Variants in SEMA3C observed in about 807,000 individuals in gnomAD.
The protein encoded by SEMA3C is semaphorin 3C.
In SEMA3C, 47 loss-of-function variants were observed where a neutral mutation model predicts 89.4. That is an observed-to-expected ratio of 0.53 (90% CI 0.42 to 0.67). The LOEUF is 0.67. SEMA3C is among the 30% of genes least tolerant of loss of function. The pLI, the probability that SEMA3C is intolerant of heterozygous loss-of-function variation, is 0.00. For synonymous variants in SEMA3C, 310 were observed against 320.2 expected, an observed-to-expected ratio of 0.97 and a Z score of 0.34; for missense variants, 839 against 929.1, an observed-to-expected ratio of 0.90 and a Z score of 1.26.
chr7:80,783,859 C>T (rs1329047126), intron 12 of SEMA3C, among the ~76,000 whole-genome samples: 2 of 152,158 alleles, frequency 1.3e-5, no homozygotes, highest in Non-Finnish European at 2.9e-5. Context: ...AGTACTCCTC[C>T]AGTTAAACGG....
chr7:80,789,388 G>C lies in SEMA3C; in HGVS notation c.1272C>G (p.Gly424=). 6.2e-7 allele frequency: 1 copy of C among 1,614,048 alleles called. No homozygotes were observed. Among genetic ancestry groups the C allele is most frequent in the Non-Finnish European group, 8.5e-7 (1 of 1,179,968 alleles). The change falls in exon 12 of 18, where the codon GGC becomes GGG. Residue 424 remains glycine (G), a synonymous_variant. Transcript: ENST00000265361. ...IHKRPLIVRI[G]TDYKYTKIAV... Reference sequence around the variant, plus strand: ...CTATCTTTGTATACTTGTAGTCAGTGCCAATACGAACAATCAAAGGCCTTT... The same window carrying C: ...CTATCTTTGTATACTTGTAGTCAGTCCCAATACGAACAATCAAAGGCCTTT...
chr7:80,798,172 C>T lies in SEMA3C; in HGVS notation c.1051G>A (p.Gly351Arg). Residue 351 changes from glycine to arginine, a missense_variant, in exon 11 of 18, where the codon GGG (glycine) becomes AGG (arginine). By Grantham distance (125) the Gly-to-Arg change is moderately radical. Transcript: ENST00000265361. ...GGCCCTTCTTTGTGGGCAAAAGGCC[C>T]ATTAAACACAGTCTGTATATCAGAT... is the stretch of plus-strand genomic sequence containing the variant. ...HLSDIQTVFN[G>R]PFAHKEGPNH... 1 of 1,606,744 alleles carries T rather than the reference C, an allele frequency of 6.2e-7. No homozygotes were observed. Among genetic ancestry groups the T allele is most frequent in the East Asian group, 2.3e-5 (1 of 44,242 alleles).
intron 12 of SEMA3C, among the ~76,000 whole-genome samples, chr7:80,769,091 A>C (rs1391176525): frequency 6.6e-6 from 1 of 152,218 alleles, no homozygotes; most frequent in East Asian, 1.9e-4. Context: ...GATATATAAT[A>C]GTTGTACTAT....
intron 2 of SEMA3C, among the ~76,000 whole-genome samples, chr7:80,899,630 A>G (rs566646455): frequency 6.6e-6 from 1 of 152,184 alleles, no homozygotes; most frequent in Non-Finnish European, 1.5e-5. Flanking sequence ...GACCAAGAGT[A>G]GAAAACTCCA....
chr7:80,907,753 C>T (rs1007491342), intron 2 of SEMA3C, among the ~76,000 whole-genome samples: 2 of 151,844 alleles, frequency 1.3e-5, no homozygotes, highest in Admixed American at 1.3e-4. Context: ...TTAAATTATT[C>T]GATAATTCTT....
At chr7:80,840,015 A>G (rs1790224998) in intron 2 of SEMA3C, among the ~76,000 whole-genome samples, 1 of 152,144 alleles carries the variant, frequency 6.6e-6, no homozygotes, top group Non-Finnish European at 1.5e-5. Flanking sequence ...CAAGAATAGG[A>G]GATCCTATGT....
chr7:80,826,838 A>G (rs1233214659), intron 4 of SEMA3C, among the ~76,000 whole-genome samples: 1 of 152,190 alleles, frequency 6.6e-6, no homozygotes, highest in African/African-American at 2.4e-5. Context: ...AGTCATTTGT[A>G]GAAATCAATA....
intron 2 of SEMA3C, among the ~76,000 whole-genome samples, chr7:80,870,327 C>A (rs1446788987): frequency 6.8e-6 from 1 of 147,630 alleles, no homozygotes; most frequent in Non-Finnish European, 1.5e-5. Flanking sequence ...ACCATACTGA[C>A]TTTTTAAAAA....
intron 13 of SEMA3C, among the ~76,000 whole-genome samples, chr7:80,762,085 G>A (rs551419824): frequency 7.9e-5 from 8 of 101,886 alleles, no homozygotes; most frequent in Non-Finnish European, 1.3e-4. Flanking sequence ...GCAAAACTCC[G>A]TCTCAATAAA....
intron 4 of SEMA3C, 33 bp downstream of exon 4, chr7:80,827,392 G>GTTTT (rs36066966): frequency 9.1e-4 from 1,116 of 1,232,782 alleles, no homozygotes; most frequent in South Asian, 3.1e-3. Context: ...TTAAGTTAGT[G>GTTTT]TTTTTTTTTT....
At chr7:80,758,620 C>T in intron 14 of SEMA3C, 132 bp from the exon 15 acceptor site, 1 of 901,624 alleles carries the variant, frequency 1.1e-6, no homozygotes, top group South Asian at 1.5e-5. Flanking sequence ...TGAAGCAAAG[C>T]ACAGAAGGGT....
intron 2 of SEMA3C, among the ~76,000 whole-genome samples, chr7:80,876,090 G>A (rs190078283): frequency 2.0e-5 from 3 of 152,182 alleles, no homozygotes; most frequent in Non-Finnish European, 2.9e-5. Context: ...GATGGAAATC[G>A]AGTTTGCCAC....
At chr7:80,804,418 T>C (rs1193008770) in intron 7 of SEMA3C, among the ~76,000 whole-genome samples, 170 bp from the exon 8 acceptor site, 1 of 152,128 alleles carries the variant, frequency 6.6e-6, no homozygotes, top group African/African-American at 2.4e-5. Context: ...CATGCCACAT[T>C]TGGAATGTCG....
chr7:80,902,930 T>C (rs1420395720), intron 2 of SEMA3C, among the ~76,000 whole-genome samples: 2 of 152,198 alleles, frequency 1.3e-5, no homozygotes, highest in African/African-American at 4.8e-5. Context: ...GCCAAGATTA[T>C]GTGCTAAGAA....
chr7:80,758,220 C>G (rs1171067895), intron 15 of SEMA3C, 111 bp downstream of exon 15: 11 of 1,209,532 alleles, frequency 9.1e-6, no homozygotes, highest in Non-Finnish European at 1.3e-5. Context: ...TAGCTTCTAC[C>G]TTTAATGTCA....
chr7:80,839,260 C>G (rs751101771), intron 2 of SEMA3C, among the ~76,000 whole-genome samples: 40 of 152,142 alleles, frequency 2.6e-4, no homozygotes, highest in Non-Finnish European at 4.9e-4. Flanking sequence ...AGAGTGTCCA[C>G]TTGAGATATA....
intron 12 of SEMA3C, among the ~76,000 whole-genome samples, chr7:80,783,726 A>T (rs932278506): frequency 4.6e-5 from 7 of 152,220 alleles, no homozygotes; most frequent in African/African-American, 1.7e-4. Flanking sequence ...CTGGTTAGTT[A>T]CTATGAAGGC....
chr7:80,910,180 C>A (rs900257428), intron 2 of SEMA3C, among the ~76,000 whole-genome samples: 3 of 152,118 alleles, frequency 2.0e-5, no homozygotes, highest in African/African-American at 7.2e-5. Flanking sequence ...AGAACCTTAA[C>A]CAAGAGCTTT....
At chr7:80,768,680 T>A (rs1408668691) in intron 12 of SEMA3C, among the ~76,000 whole-genome samples, 1 of 152,138 alleles carries the variant, frequency 6.6e-6, no homozygotes, top group African/African-American at 2.4e-5. Context: ...GTTCCTTAAT[T>A]TCTATTAACA....
Sources: allele counts gnomAD v4.1 joint callset (sites outside exome capture counted in the v4.1 genomes callset), GRCh38; gene constraint gnomAD v4.1.1; transcripts MANE v1.5; gene names NCBI Gene and HGNC (gene_info 2026-07-23, HGNC 2026-07-21).